The following PDXDC1 variants were observed in gnomAD, a reference collection of about 807,000 sequenced individuals.
The protein encoded by PDXDC1 is pyridoxal dependent decarboxylase domain containing 1.
A neutral mutation model predicts 100.1 loss-of-function variants in PDXDC1; 42 were observed. That is an observed-to-expected ratio of 0.42 (90% confidence interval 0.33 to 0.54). The LOEUF (loss-of-function observed/expected upper bound fraction) is 0.54. PDXDC1 is among the 20% of genes least tolerant of loss of function. The pLI is 0.10. For missense variants in PDXDC1, 636 were observed against 979.2 expected, an observed-to-expected ratio of 0.65 and a Z score of 4.68; for synonymous variants, 260 against 371.7, an observed-to-expected ratio of 0.70 and a Z score of 3.46.
chr16:15,030,399 AG>A (rs2042968943), intron 16 of PDXDC1, among the ~76,000 whole-genome samples: 1 of 152,016 alleles, frequency 6.6e-6, no homozygotes, highest in South Asian at 2.1e-4. Context: ...ACAAAAAATT[AG>A]CCAGGCATGG....
intron 16 of PDXDC1, chr16:15,047,717 G>C (rs2044132395): frequency 2.2e-6 from 2 of 899,902 alleles, no homozygotes; most frequent in Non-Finnish European, 3.7e-6. Flanking sequence ...GGACACCAGG[G>C]AGACACCATG....
At chr16:15,072,262 G>C (rs1262625835) in intron 16 of PDXDC1, among the ~76,000 whole-genome samples, 2 of 136,168 alleles carry the variant, frequency 1.5e-5, no homozygotes, top group Non-Finnish European at 3.2e-5. Context: ...AAAAAAAAAA[G>C]AAGAAGAAGA....
chr16:15,147,873 G>T, the PDXDC1 span, among the ~76,000 whole-genome samples: 8 of 152,002 alleles, frequency 5.3e-5, no homozygotes, highest in African/African-American at 1.9e-4. Flanking sequence ...ATTTTTAGTA[G>T]AACGGGTTTC....
chr16:15,051,003 G>A (rs903866916), intron 16 of PDXDC1, among the ~76,000 whole-genome samples: 2 of 152,202 alleles, frequency 1.3e-5, no homozygotes, highest in Admixed American at 1.3e-4. Flanking sequence ...CACCTGTACA[G>A]GTGACAGCCT....
chr16:14,980,995 C>CA, intron 1 of PDXDC1, among the ~76,000 whole-genome samples: 1 of 152,402 alleles, frequency 6.6e-6, no homozygotes, highest in South Asian at 2.1e-4. Context: ...GTGGCCCCTG[C>CA]AGGAGGTTGC....
intron 1 of PDXDC1, among the ~76,000 whole-genome samples, chr16:14,977,125 A>T (rs971369247): frequency 1.3e-5 from 2 of 152,284 alleles, no homozygotes; most frequent in African/African-American, 4.8e-5. Flanking sequence ...CGCAAGAGGG[A>T]CTGAAATTCC....
At chr16:14,982,496 G>T (rs1355525525) in intron 1 of PDXDC1, among the ~76,000 whole-genome samples, 2 of 152,274 alleles carry the variant, frequency 1.3e-5, no homozygotes, top group African/African-American at 4.8e-5. Flanking sequence ...GGTGGCTCAC[G>T]CCTGTAGTCC....
chr16:15,077,066 GC>G (rs925919290), intron 16 of PDXDC1, among the ~76,000 whole-genome samples: 1 of 149,120 alleles, frequency 6.7e-6, no homozygotes, highest in African/African-American at 2.5e-5. Context: ...CGCAAACTCC[GC>G]CCCCCAGGTT....
chr16:15,057,989 A>G (rs1463386359), intron 16 of PDXDC1, among the ~76,000 whole-genome samples: 2 of 152,190 alleles, frequency 1.3e-5, no homozygotes, highest in African/African-American at 4.8e-5. Flanking sequence ...CAGCTCCACA[A>G]ATTTTGGTCT....
chr16:15,135,474 C>T, intron 16 of PDXDC1: 1 of 1,204,272 alleles, frequency 8.3e-7, no homozygotes, highest in African/African-American at 1.5e-5. Context: ...GAACCCCATC[C>T]AGTTTTAAAG....
rs764541722 is a variant in PDXDC1, at chr16:15,076,597, A to T, written c.1399+46541A>T. 4 of 1,613,570 alleles carry T rather than the reference A, an allele frequency of 2.5e-6. No individual in the cohort carries two copies. In the South Asian group the frequency reaches 4.4e-5, roughly 18 times the overall value. ...CTTCCGTGGAATCTGTCCCACCACA[A>T]GTTTGAGTTGCTGTTTCTTCAGCAT... On this transcript the variant is annotated intron_variant, in intron 16 of 16. Transcript: ENST00000535621.
intron 16 of PDXDC1, among the ~76,000 whole-genome samples, chr16:15,092,065 C>T (rs1225937139): frequency 1.3e-5 from 2 of 151,968 alleles, no homozygotes. Context: ...TGTAACCCCA[C>T]CTATTCGGAA....
chr16:15,143,621 G>C (rs929467245), downstream of PDXDC1, among the ~76,000 whole-genome samples: 1 of 152,216 alleles, frequency 6.6e-6, no homozygotes, highest in Non-Finnish European at 1.5e-5. Flanking sequence ...CAGGGCCCGG[G>C]AAGTCTTGTG....
At chr16:14,988,662 G>T in intron 1 of PDXDC1, 1 of 1,613,604 alleles carries the variant, frequency 6.2e-7, no homozygotes. Flanking sequence ...CTTGCCCTCG[G>T]CATCCGCCAG....
rs537526411 is a variant in PDXDC1, at chr16:15,117,505, A to C, written c.1400-21374A>C. 4.0e-4 allele frequency among the ~76,000 whole-genome samples: 61 copies of C among 151,362 alleles called. 1 individual carries two copies. Among genetic ancestry groups the C allele is most frequent in the African/African-American group, 1.5e-3 (61 of 41,186 alleles). On this transcript the variant is annotated intron_variant, in intron 16 of 16. Transcript: ENST00000535621. ...AACCCAGTCTCTACTAAAAATACAA[A>C]AATTAGCCAGGCGTGGTGGTCTACT... is the stretch of plus-strand genomic sequence containing the variant.
At chr16:15,050,177 TA>T (rs917879938) in intron 16 of PDXDC1, among the ~76,000 whole-genome samples, 13 of 152,122 alleles carry the variant, frequency 8.5e-5, no homozygotes, top group African/African-American at 2.2e-4. Context: ...AGTAAGCTTG[TA>T]AAAAAAATTC....
chr16:15,147,049 C>G, the PDXDC1 span, among the ~76,000 whole-genome samples: 1 of 150,508 alleles, frequency 6.6e-6, no homozygotes, highest in Non-Finnish European at 1.5e-5. Context: ...CAGGAAACTA[C>G]AGGGAAGGGA....
chr16:15,137,401 G>A (rs1311271493), intron 16 of PDXDC1: 6 of 1,506,288 alleles, frequency 4.0e-6, no homozygotes, highest in Middle Eastern at 2.3e-4. Flanking sequence ...GCTCCGAGAG[G>A]GCTGCGAGGC....
chr16:15,041,147 C>A (rs761500432), downstream of PDXDC1: 2 of 1,393,870 alleles, frequency 1.4e-6, no homozygotes, highest in African/African-American at 1.4e-5. Flanking sequence ...GTTTAAGATA[C>A]ACTTTTTAAA....
Sources: gnomAD v4.1 joint callset for allele counts (sites outside exome capture counted in the v4.1 genomes callset) on GRCh38, gnomAD v4.1.1 for gene constraint, MANE v1.5 for transcripts, NCBI Gene and HGNC (gene_info 2026-07-23, HGNC 2026-07-21) for gene names.